The following POLR1G variants were observed in gnomAD, a reference collection of about 807,000 sequenced individuals.
POLR1G encodes RNA polymerase I subunit G.
In POLR1G, 9 loss-of-function variants were observed where a neutral mutation model predicts 6.3. The observed-to-expected ratio is 1.44, with a 90% confidence interval of 0.87 to 2.51. The LOEUF (loss-of-function observed/expected upper bound fraction) is 2.51, where lower values mean the gene tolerates loss of function less well. Among genes scored for constraint, POLR1G ranks in the 30% most tolerant of loss-of-function variants. The pLI is 0.00. For missense variants in POLR1G, 617 were observed against 632.5 expected, an observed-to-expected ratio of 0.98 and a Z score of 0.26; for synonymous variants, 248 against 256.5, an observed-to-expected ratio of 0.97 and a Z score of 0.32.
In POLR1G at chr19:45,406,789, G is replaced by C; in HGVS notation, c.22+71G>C. ...GAGAAAGGGGCGTCCGAGAGGGTTC[G>C]GGCGGAAAAGGAGGCGTACCTGCAA... On this transcript the variant is annotated intron_variant, in intron 1 of 2. Coordinates refer to ENST00000309424, the MANE Select transcript of POLR1G (RefSeq NM_012099.3). This position sits in a 1 kb window ranked among gnomAD's most constrained non-coding sequence, Gnocchi z 4.2. 7.1e-7 allele frequency: 1 copy of C among 1,400,640 alleles called. No homozygotes were observed. The highest frequency in any genetic ancestry group is 1.4e-5 in the South Asian group (1 of 73,136). 86.8% of individuals were successfully genotyped at this position (1,400,640 alleles called of 1,614,324 possible). A position where few individuals can be genotyped will look rare whatever the true frequency, so the allele number is the denominator to read the frequency against.
In POLR1G at chr19:45,406,974, A is replaced by G. The variant is rs946614412; in HGVS notation, c.23-120A>G. The G allele has an allele frequency of 7.4e-7, 1 of 1,359,284 alleles. No individual in the cohort carries two copies. Among genetic ancestry groups the G allele is most frequent in the Non-Finnish European group, 1.0e-6 (1 of 1,002,928 alleles). 84.2% of individuals were successfully genotyped at this position (1,359,284 alleles called of 1,614,324 possible). A position where few individuals can be genotyped will look rare whatever the true frequency, so the allele number is the denominator to read the frequency against. On this transcript the variant is annotated intron_variant, in intron 1 of 2. Coordinates refer to ENST00000309424, the MANE Select transcript of POLR1G (RefSeq NM_012099.3). The surrounding 1 kb of genome is among the most constrained non-coding windows in gnomAD (Gnocchi z 4.2). ...TGGGGAACAGGTGGGCAGAAAGGAG[A>G]AACCAGGTTGAGGGGACTGGAGTGC...
Position 45,408,855 on chromosome 19 carries a change from C to G in POLR1G, c.887C>G (p.Thr296Arg). The G allele has an allele frequency of 6.2e-7, 1 of 1,614,018 alleles. No individual in the cohort carries two copies. The highest frequency in any genetic ancestry group is 8.5e-7 in the Non-Finnish European group (1 of 1,180,010). ...PTKKRKRQKG[T>R]EGMEPEEGVT... ...AAAAAGAGAAAGAGGCAAAAGGGGACGGAAGGGATGGAGCCAGAGGAGGGG... is the reference window on the plus strand; with the variant it reads ...AAAAAGAGAAAGAGGCAAAAGGGGAGGGAAGGGATGGAGCCAGAGGAGGGG... Residue 296 changes from threonine (T) to arginine (R), a missense_variant, in exon 3 of 3, where the codon ACG becomes AGG. Physicochemically the swap from Thr to Arg is moderately conservative, Grantham distance 71 (BLOSUM62 -1). Coordinates refer to ENST00000309424, the MANE Select transcript of POLR1G (RefSeq NM_012099.3).
In POLR1G at chr19:45,408,086, C is replaced by T; in HGVS notation, c.165-47C>T. 5 of 1,493,496 alleles carry T rather than the reference C, an allele frequency of 3.3e-6. No individual in the cohort carries two copies. In the South Asian group the frequency reaches 5.2e-5, roughly 16 times the overall value. The allele number at this position is 1,493,496 out of a possible 1,614,324, so 92.5% of individuals were successfully genotyped here. On this transcript the variant is annotated intron_variant, in intron 2 of 2. Coordinates refer to ENST00000309424, the MANE Select transcript of POLR1G (RefSeq NM_012099.3). ...CAAAAAAAAAATCAAAAAACCTTCC[C>T]TCTCCTGTTCCACTTAAGCCTCTGC... is the stretch of plus-strand genomic sequence containing the variant.
Position 45,409,588 on chromosome 19 carries a change from A to G in POLR1G, c.*87A>G, listed in dbSNP as rs2123437845. 2 of 1,579,314 alleles carry G rather than the reference A, an allele frequency of 1.3e-6. No individual in the cohort carries two copies. Among genetic ancestry groups the G allele is most frequent in the Non-Finnish European group, 8.6e-7 (1 of 1,162,082 alleles). ...GGTGACACCCCCAGAATCCCTCCCCAGAGACTGCACCAGCGCAGCCAGCAG... is the reference window on the plus strand; with the variant it reads ...GGTGACACCCCCAGAATCCCTCCCCGGAGACTGCACCAGCGCAGCCAGCAG... On this transcript the variant is annotated 3_prime_UTR_variant, in exon 3 of 3. Coordinates refer to ENST00000309424, the MANE Select transcript of POLR1G (RefSeq NM_012099.3).
rs764413282 is a variant in POLR1G, at chr19:45,409,295, C to G, written c.1327C>G (p.Pro443Ala). Reference sequence around the variant, plus strand: ...GACTGAGCCAATTCAGCCACTAGAGCCTGAACTGCCAGGGGAGGGACAGCC... The same window carrying G: ...GACTGAGCCAATTCAGCCACTAGAGGCTGAACTGCCAGGGGAGGGACAGCC... ...TVTEPIQPLE[P>A]ELPGEGQPEA... is the part of the protein sequence containing the mutation. The change falls in exon 3 of 3, where the codon CCT becomes GCT. Residue 443 changes from proline to alanine, a missense_variant. Physicochemically the swap from Pro to Ala is conservative, Grantham distance 27. Transcript: ENST00000309424. 1.2e-5 allele frequency: 19 copies of G among 1,613,850 alleles called. No individual in the cohort carries two copies. In the South Asian group the frequency reaches 2.1e-4, roughly 18 times the overall value.
chr19:45,409,854 C>G lies in POLR1G; in HGVS notation c.*353C>G. 1 of 630,824 alleles carries G rather than the reference C, an allele frequency of 1.6e-6. No homozygotes were observed. Among genetic ancestry groups the G allele is most frequent in the Non-Finnish European group, 2.9e-6 (1 of 345,142 alleles). The allele number at this position is 630,824 out of a possible 1,614,324, so 39.1% of individuals were successfully genotyped here. On this transcript the variant is annotated 3_prime_UTR_variant, in exon 3 of 3. Transcript: ENST00000309424. ...AAGCATTTATCCATTGAGTTACAAA[C>G]AATCCAGTTACAATCTTTTTAAGTT... is the stretch of plus-strand genomic sequence containing the variant.
rs1370352178 is a variant in POLR1G at position 45,408,118 on chromosome 19, T to C, written c.165-15T>C. 2 of 1,577,816 alleles carry C rather than the reference T, an allele frequency of 1.3e-6. No individual in the cohort carries two copies. The highest frequency in any genetic ancestry group is 1.7e-6 in the Non-Finnish European group (2 of 1,157,490). ...GTTCCACTTAAGCCTCTGCCCTCCC[T>C]GTTTCTCTCTGTAGCTTCAATGGGC... On this transcript the variant is annotated splice_polypyrimidine_tract_variant and intron_variant, in intron 2 of 2. Coordinates refer to ENST00000309424, the MANE Select transcript of POLR1G (RefSeq NM_012099.3).
Position 45,408,686 on chromosome 19 carries a change from G to A in POLR1G, c.718G>A (p.Glu240Lys). The stretch of plus-strand genomic sequence containing the variant: ...GACAGAGCCCACAGTGGAGACACTG[G>A]AGCCTCTGGGAGTGCTGTTCCCGTC... ...VGTEPTVETL[E>K]PLGVLFPSTT... The change falls in exon 3 of 3, where the codon GAG becomes AAG. Residue 240 changes from glutamate to lysine, a missense_variant. Physicochemically the swap from Glu to Lys is moderately conservative, Grantham distance 56 (BLOSUM62 1). Coordinates refer to ENST00000309424, the MANE Select transcript of POLR1G (RefSeq NM_012099.3). 1 of 1,613,918 alleles carries A rather than the reference G, an allele frequency of 6.2e-7. No individual in the cohort carries two copies. Among genetic ancestry groups the A allele is most frequent in the South Asian group, 1.1e-5 (1 of 91,058 alleles).
In POLR1G at chr19:45,409,818, C is replaced by A; in HGVS notation, c.*317C>A. The A allele has an allele frequency of 1.4e-6, 1 of 715,080 alleles. No homozygotes were observed. The highest frequency in any genetic ancestry group is 1.5e-5 in the South Asian group (1 of 67,280). The allele number at this position is 715,080 out of a possible 1,614,324, so 44.3% of individuals were successfully genotyped here. A position where few individuals can be genotyped will look rare whatever the true frequency, so the allele number is the denominator to read the frequency against. On this transcript the variant is annotated 3_prime_UTR_variant, in exon 3 of 3. Transcript: ENST00000309424. ...GTGGGGTTTTGGTTCTTTATTTTCC[C>A]CTATACCCTCAAGCATTTATCCATT...
In POLR1G at chr19:45,407,228, C is replaced by T. The variant is rs753794315; in HGVS notation, c.157C>T (p.Pro53Ser). The T allele has an allele frequency of 1.9e-6, 3 of 1,611,528 alleles. No individual in the cohort carries two copies. The South Asian group carries it at 3.3e-5, about 18-fold the overall frequency. The change falls in exon 2 of 3, where the codon CCA (proline) becomes TCA (serine). Residue 53 changes from proline (P) to serine (S), a missense_variant. By Grantham distance (74) the Pro-to-Ser change is moderately conservative. Coordinates refer to ENST00000309424, the MANE Select transcript of POLR1G (RefSeq NM_012099.3). The part of the protein sequence containing the change: ...WLIQAPADFA[P>S]ECFNGRHVPL... The stretch of plus-strand genomic sequence containing the variant: ...TATTCAGGCCCCTGCAGACTTTGCC[C>T]CAGAATGGTGAGTGGTCTTGTTGAC...
chr19:45,409,328 AGGGCAACTCC>A lies in POLR1G; in HGVS notation c.1364_1373del (p.Ala455AspfsTer29). On this transcript the variant is annotated frameshift_variant, in exon 3 of 3. Coordinates refer to ENST00000309424, the MANE Select transcript of POLR1G (RefSeq NM_012099.3). LOFTEE classifies it low-confidence loss of function (END_TRUNC). The stretch of plus-strand genomic sequence containing the variant: ...GCCAGGGGAGGGACAGCCTGAAGCC[AGGGCAACTCC>A]GGGATCCACCAAGAAGAGGAAGAAG... 1 of 1,614,130 alleles carries A rather than the reference AGGGCAACTCC, an allele frequency of 6.2e-7. No homozygotes were observed. Among genetic ancestry groups the A allele is most frequent in the Non-Finnish European group, 8.5e-7 (1 of 1,180,014 alleles).
chr19:45,408,065 A>G, intron 2 of POLR1G, 68 bp from the exon 3 acceptor site: 1 of 1,505,032 alleles, frequency 6.6e-7, no homozygotes, highest in South Asian at 1.4e-5. Flanking sequence ...AAAAAACAAA[A>G]AAAAAATCAA....
At position 45,409,550 on chromosome 19, in the gene POLR1G, T is replaced by A. The variant is rs527715200; in HGVS notation, c.*49T>A. ...CTAAAGAAAGCTGAAGGTGCCCACC[T>A]GGGCCACCAGAAGGTGACACCCCCA... On this transcript the variant is annotated 3_prime_UTR_variant, in exon 3 of 3. Coordinates refer to ENST00000309424, the MANE Select transcript of POLR1G (RefSeq NM_012099.3). 3 of 1,574,284 alleles carry A rather than the reference T, an allele frequency of 1.9e-6. No individual in the cohort carries two copies. Among genetic ancestry groups the A allele is most frequent in the African/African-American group, 2.7e-5 (2 of 73,926 alleles).
At position 45,409,895 on chromosome 19, in the gene POLR1G, A is replaced by ATTTTTTTTT. The variant is rs57573120; in HGVS notation, c.*400_*408dup. On this transcript the variant is annotated 3_prime_UTR_variant, in exon 3 of 3. Coordinates refer to ENST00000309424, the MANE Select transcript of POLR1G (RefSeq NM_012099.3). Reference sequence around the variant, plus strand: ...TTTTTAAGTTATTATTATTATTATTATTTTTTTTTTTTTTGAGATGGAGTC... The same window carrying ATTTTTTTTT: ...TTTTTAAGTTATTATTATTATTATTATTTTTTTTTTTTTTTTTTTTTTTGAGATGGAGTC... 6.4e-4 allele frequency: 110 copies of ATTTTTTTTT among 171,634 alleles called. 1 individual carries two copies. The highest frequency in any genetic ancestry group is 1.6e-3 in the African/African-American group (57 of 36,478). 10.6% of individuals were successfully genotyped at this position (171,634 alleles called of 1,614,324 possible).
Position 45,408,796 on chromosome 19 carries a change from T to A in POLR1G, c.828T>A (p.Thr276=). 1 of 1,613,428 alleles carries A rather than the reference T, an allele frequency of 6.2e-7. No homozygotes were observed. Among genetic ancestry groups the A allele is most frequent in the Non-Finnish European group, 8.5e-7 (1 of 1,179,932 alleles). ...CAGTGAAGCAGGAACAGATTAACAC[T>A]GAGCCTCTAGAAGACACAGTCCTGT... The part of the protein sequence containing the change: ...DKTVKQEQIN[T]EPLEDTVLSP... Residue 276 remains threonine (T), a synonymous_variant, in exon 3 of 3, where the codon ACT becomes ACA. Transcript: ENST00000309424.
In POLR1G at chr19:45,408,554, G is replaced by A. The variant is rs746637760; in HGVS notation, c.586G>A (p.Ala196Thr). The change falls in exon 3 of 3, where the codon GCC (alanine) becomes ACC (threonine). Residue 196 changes from alanine to threonine, a missense_variant. By Grantham distance (58) the Ala-to-Thr change is moderately conservative. Transcript: ENST00000309424. ...VTQEAVNGHG[A>T]LEVDMALGSP... ...TCAGGAGGCAGTGAATGGGCACGGG[G>A]CCCTGGAGGTGGACATGGCTTTGGG... The A allele has an allele frequency of 5.6e-6, 9 of 1,613,900 alleles. No individual in the cohort carries two copies. In the African/African-American group the frequency reaches 9.3e-5, roughly 17 times the overall value.
In POLR1G at chr19:45,409,716, G is replaced by A. The variant is rs758149917; in HGVS notation, c.*215G>A. 1 of 852,620 alleles carries A rather than the reference G, an allele frequency of 1.2e-6. No individual in the cohort carries two copies. The highest frequency in any genetic ancestry group is 1.7e-5 in the Admixed American group (1 of 58,698). 52.8% of individuals were successfully genotyped at this position (852,620 alleles called of 1,614,324 possible). On this transcript the variant is annotated 3_prime_UTR_variant, in exon 3 of 3. Coordinates refer to ENST00000309424, the MANE Select transcript of POLR1G (RefSeq NM_012099.3). ...AAGGGCTCGTGCAGGACATCAAACA[G>A]CCTCCGGGCCTGGATGGGAGGGAGA... is the stretch of plus-strand genomic sequence containing the variant.
rs754539828 is a variant in POLR1G, at chr19:45,409,151, G to A, written c.1183G>A (p.Ala395Thr). The A allele has an allele frequency of 6.2e-7, 1 of 1,613,080 alleles. No individual in the cohort carries two copies. Among genetic ancestry groups the A allele is most frequent in the African/African-American group, 1.3e-5 (1 of 74,860 alleles). Reference protein sequence around the residue: ...KKTKKEKQQDATVEPETEVVG... With the variant: ...KKTKKEKQQDTTVEPETEVVG... ...GACGAAGAAAGAAAAACAGCAAGAT[G>A]CCACAGTGGAGCCAGAGACAGAGGT... Residue 395 changes from alanine (A) to threonine (T), a missense_variant, in exon 3 of 3, where the codon GCC becomes ACC. By Grantham distance (58) the Ala-to-Thr change is moderately conservative. Coordinates refer to ENST00000309424, the MANE Select transcript of POLR1G (RefSeq NM_012099.3).
At position 45,408,914 on chromosome 19, in the gene POLR1G, G is replaced by C; in HGVS notation, c.946G>C (p.Glu316Gln). 6.2e-7 allele frequency: 1 copy of C among 1,614,108 alleles called. No homozygotes were observed. Among genetic ancestry groups the C allele is most frequent in the Non-Finnish European group, 8.5e-7 (1 of 1,180,010 alleles). ...TGAGTCTCAGCCACAGGTGAAGGTG[G>C]AGCCACTGGAGGAAGCCATCCCTCT... ...TVESQPQVKV[E>Q]PLEEAIPLPP... Residue 316 changes from glutamate to glutamine, a missense_variant, in exon 3 of 3, where the codon GAG becomes CAG. By Grantham distance (29) the Glu-to-Gln change is conservative (BLOSUM62 2). Coordinates refer to ENST00000309424, the MANE Select transcript of POLR1G (RefSeq NM_012099.3).
Sources: gnomAD v4.1 joint callset for allele counts on GRCh38, gnomAD v4.1.1 for gene constraint, Gnocchi (gnomAD v3.1) non-coding constraint, MANE v1.5 for transcripts, NCBI Gene and HGNC (gene_info 2026-07-23, HGNC 2026-07-21) for gene names.